The following MROH1 variants were observed in gnomAD, a reference collection of about 807,000 sequenced individuals.
MROH1 encodes the protein maestro heat-like repeat-containing protein family member 1.
In MROH1, 117 loss-of-function variants were observed where a neutral mutation model predicts 116.5. That is an observed-to-expected ratio of 1.00 (90% confidence interval 0.86 to 1.17). MROH1 has a LOEUF of 1.17. Ranked by LOEUF, MROH1 falls within the 50% of genes most tolerant of loss-of-function variation. The probability of loss-of-function intolerance (pLI) is 0.00; values close to 1 mark genes in which losing one functional copy is unlikely to be tolerated. For synonymous variants in MROH1, 921 were observed against 583.9 expected (o/e 1.58, Z -8.32); for missense variants, 1,873 against 1,338.5 (o/e 1.40, Z -6.23).
intron 26 of MROH1, 59 bp downstream of exon 26, chr8:144,244,001 G>A (rs1841443557): frequency 2.6e-6 from 2 of 760,572 alleles, no homozygotes; most frequent in East Asian, 2.5e-5. Context: ...GCATGTGTGT[G>A]CATTGTGTGT....
intron 12 of MROH1, chr8:144,200,909 T>A (rs1318107571): frequency 5.2e-6 from 1 of 194,136 alleles, no homozygotes; most frequent in Admixed American, 5.4e-5. Context: ...TTTAGTTTGG[T>A]TGTCTCTTAG....
intron 12 of MROH1, among the ~76,000 whole-genome samples, chr8:144,207,389 T>A (rs149067187): frequency 2.7e-4 from 41 of 152,292 alleles, no homozygotes; most frequent in African/African-American, 9.1e-4. Flanking sequence ...GGTTTCACCA[T>A]GTTGGCCAGG....
At chr8:144,190,594 C>T (rs767876503) in intron 7 of MROH1, among the ~76,000 whole-genome samples, 190 bp from the exon 8 acceptor site, 17 of 152,120 alleles carry the variant, frequency 1.1e-4, no homozygotes, top group Non-Finnish European at 1.6e-4. Context: ...ACCCTATTTC[C>T]AATAAGGCCA....
chr8:144,193,938 G>A (rs937004002), intron 10 of MROH1, among the ~76,000 whole-genome samples: 6 of 152,078 alleles, frequency 3.9e-5, no homozygotes, highest in South Asian at 2.1e-4. Flanking sequence ...CACCTTATGC[G>A]GGAGGGCTTA....
At chr8:144,237,269 C>T (rs1299211644) in intron 14 of MROH1, among the ~76,000 whole-genome samples, 1 of 152,324 alleles carries the variant, frequency 6.6e-6, no homozygotes, top group East Asian at 1.9e-4. Context: ...TGCTGTTTGA[C>T]GCAGGGGTCC....
At chr8:144,258,282 G>A (rs962407232) in intron 35 of MROH1, among the ~76,000 whole-genome samples, 12 of 152,132 alleles carry the variant, frequency 7.9e-5, no homozygotes, top group African/African-American at 2.2e-4. Flanking sequence ...TCCAGCTCTC[G>A]GCACCATCCT....
chr8:144,261,825 TGG>T lies in MROH1; in HGVS notation c.*87_*88del, dbSNP rs1845139170. The T allele has an allele frequency of 1.4e-6, 1 of 700,342 alleles. No homozygotes were observed. The highest frequency in any genetic ancestry group is 2.6e-6 in the Non-Finnish European group (1 of 384,566). The allele number at this position is 700,342 out of a possible 1,614,324, so 43.4% of individuals were successfully genotyped here. A position where few individuals can be genotyped will look rare whatever the true frequency, so the allele number is the denominator to read the frequency against. ...ACAGGGCCTCCTGAGGACCACAGCC[TGG>T]GCACACGACTGGAGGGGCCTGGCCC... On this transcript the variant is annotated 3_prime_UTR_variant, in exon 44 of 44. Transcript: ENST00000326134.
chr8:144,151,715 C>A (rs955646885), intron 1 of MROH1, among the ~76,000 whole-genome samples: 5 of 152,182 alleles, frequency 3.3e-5, no homozygotes, highest in Non-Finnish European at 7.3e-5. Context: ...TAAAAGAGCA[C>A]CCTGGAACAC....
intron 14 of MROH1, among the ~76,000 whole-genome samples, chr8:144,236,281 C>T (rs998654288): frequency 6.6e-6 from 1 of 152,130 alleles, no homozygotes; most frequent in African/African-American, 2.4e-5. Flanking sequence ...TGTATCATAT[C>T]GGGGGTCCTA....
At chr8:144,192,175 T>A (rs1438837175) in intron 9 of MROH1, 134 bp from the exon 10 acceptor site, 6 of 759,036 alleles carry the variant, frequency 7.9e-6, no homozygotes, top group Non-Finnish European at 1.3e-5. Context: ...GCCTCCTCAT[T>A]TGAGCCCCAA....
intron 4 of MROH1, 123 bp downstream of exon 4, chr8:144,168,563 T>C (rs1821591074): frequency 2.6e-6 from 3 of 1,152,446 alleles, no homozygotes; most frequent in East Asian, 2.5e-5. Flanking sequence ...GGTGGCCACA[T>C]GTCTAACCCC....
intron 29 of MROH1, 38 bp from the exon 30 acceptor site, chr8:144,247,263 C>G: frequency 1.3e-6 from 1 of 760,256 alleles, no homozygotes; most frequent in Non-Finnish European, 2.4e-6. Context: ...ATCCACCCAC[C>G]CCCAGCATTC....
In MROH1 at chr8:144,258,910, G is replaced by A; in HGVS notation, c.3925G>A (p.Ala1309Thr). 1.3e-6 allele frequency: 1 copy of A among 748,154 alleles called. No individual in the cohort carries two copies. The highest frequency in any genetic ancestry group is 2.5e-6 in the Non-Finnish European group (1 of 403,226). 46.3% of individuals were successfully genotyped at this position (748,154 alleles called of 1,614,324 possible). Residue 1309 changes from alanine (A) to threonine (T), a missense_variant, in exon 36 of 44, where the codon GCC becomes ACC. Physicochemically the swap from Ala to Thr is moderately conservative, Grantham distance 58. Transcript: ENST00000326134. ...AGHEEGATRL[A>T]RAMAEHAGPR... ...GCATGAGGAGGGGGCCACCAGGTTGGCCAGGTGAGCGGGCCCAGCCCACTG... is the reference window on the plus strand; with the variant it reads ...GCATGAGGAGGGGGCCACCAGGTTGACCAGGTGAGCGGGCCCAGCCCACTG...
chr8:144,168,599 G>A (rs1423596280), intron 4 of MROH1, among the ~76,000 whole-genome samples, 159 bp downstream of exon 4: 2 of 152,132 alleles, frequency 1.3e-5, no homozygotes, highest in African/African-American at 4.8e-5. Context: ...TGTCAGGGTG[G>A]GTAACCTGCC....
At position 144,250,372 on chromosome 8, in the gene MROH1, C is replaced by A. The variant is rs1295987560; in HGVS notation, c.3428+6C>A. On this transcript the variant is annotated splice_donor_region_variant and intron_variant, in intron 33 of 43. Coordinates refer to ENST00000326134, the MANE Select transcript of MROH1 (RefSeq NM_032450.3). Reference sequence around the variant, plus strand: ...AGCCCCTTGCCCTTGGACAGGTACCCAGCTCAGACTCCAGGCTTAGGGGTC... The same window carrying A: ...AGCCCCTTGCCCTTGGACAGGTACCAAGCTCAGACTCCAGGCTTAGGGGTC... 1 of 760,144 alleles carries A rather than the reference C, an allele frequency of 1.3e-6. No individual in the cohort carries two copies. Among genetic ancestry groups the A allele is most frequent in the Non-Finnish European group, 2.4e-6 (1 of 411,898 alleles). The allele number at this position is 760,144 out of a possible 1,614,324, so 47.1% of individuals were successfully genotyped here. A position where few individuals can be genotyped will look rare whatever the true frequency, so the allele number is the denominator to read the frequency against.
chr8:144,158,512 C>T (rs1818719507), intron 1 of MROH1, among the ~76,000 whole-genome samples: 1 of 152,184 alleles, frequency 6.6e-6, no homozygotes, highest in African/African-American at 2.4e-5. Flanking sequence ...TCTAAAAAGA[C>T]ATTTAGTGCT....
intron 3 of MROH1, among the ~76,000 whole-genome samples, chr8:144,167,657 G>T (rs1008198485): frequency 1.3e-5 from 2 of 152,118 alleles, no homozygotes; most frequent in African/African-American, 4.8e-5. Flanking sequence ...CCATGTACAG[G>T]GAACCACCTG....
At chr8:144,191,632 C>A in intron 8 of MROH1, 83 bp from the exon 9 acceptor site, 2 of 1,537,056 alleles carry the variant, frequency 1.3e-6, no homozygotes, top group Non-Finnish European at 1.8e-6. Flanking sequence ...CGTTCACGTC[C>A]GTCACGGGTG....
At chr8:144,227,522 G>A (rs1311492421) in intron 14 of MROH1, among the ~76,000 whole-genome samples, 4 of 152,160 alleles carry the variant, frequency 2.6e-5, no homozygotes, top group Admixed American at 6.5e-5. Flanking sequence ...GCACATACCT[G>A]TAGTCCCAGC....
Sources: allele counts gnomAD v4.1 joint callset (sites outside exome capture counted in the v4.1 genomes callset), GRCh38; gene constraint gnomAD v4.1.1; transcripts MANE v1.5; gene names NCBI Gene and HGNC (gene_info 2026-07-23, HGNC 2026-07-21).